PRKCH: variants seen among roughly 807,000 people sequenced by gnomAD.
PRKCH encodes the protein protein kinase C eta.
Under a neutral mutation model 82.5 loss-of-function variants are expected in PRKCH, and 28 were observed. The observed-to-expected ratio is 0.34, with a 90% confidence interval of 0.25 to 0.47. The LOEUF is 0.47. Ranked by LOEUF, PRKCH falls within the 20% of genes least tolerant of loss-of-function variation. The probability of loss-of-function intolerance (pLI) is 1.00; values close to 1 mark genes in which losing one functional copy is unlikely to be tolerated. For missense variants in PRKCH, 705 were observed against 881.8 expected, an observed-to-expected ratio of 0.80 and a Z score of 2.54; for synonymous variants, 322 against 327.4, an observed-to-expected ratio of 0.98 and a Z score of 0.18.
intron 10 of PRKCH, among the ~76,000 whole-genome samples, chr14:61,499,219 A>G (rs993693965): frequency 3.9e-5 from 6 of 152,228 alleles, no homozygotes; most frequent in African/African-American, 1.4e-4. Flanking sequence ...AGTTTGCAGC[A>G]TGTCCCTGAA....
chr14:61,519,909 C>T (rs965962699), intron 10 of PRKCH, among the ~76,000 whole-genome samples: 8 of 151,504 alleles, frequency 5.3e-5, no homozygotes, highest in African/African-American at 1.9e-4. Flanking sequence ...GCAACAAGTT[C>T]AATTCTAAGT....
chr14:61,403,544 C>T lies in PRKCH; in HGVS notation c.427+12256C>T, dbSNP rs138230536. Reference sequence around the variant, plus strand: ...ATAAAAATAAGGTCAGGAAGTGACACCAAAACAACTCAGAAGCCTGTGGTG... The same window carrying T: ...ATAAAAATAAGGTCAGGAAGTGACATCAAAACAACTCAGAAGCCTGTGGTG... On this transcript the variant is annotated intron_variant, in intron 2 of 13. Transcript: ENST00000332981. 3.2e-3 allele frequency among the ~76,000 whole-genome samples: 487 copies of T among 152,332 alleles called. 2 individuals carry two copies. The highest frequency in any genetic ancestry group is 0.011 in the African/African-American group (465 of 41,576).
At chr14:61,517,468 A>C (rs79012409) in intron 10 of PRKCH, among the ~76,000 whole-genome samples, 2,164 of 152,308 alleles carry the variant, frequency 0.014, 46 homozygotes, top group African/African-American at 0.049. Context: ...GGATGGGTAG[A>C]CAGGCTAAGA....
chr14:61,513,201 G>T (rs997961428), intron 10 of PRKCH, among the ~76,000 whole-genome samples: 1 of 152,166 alleles, frequency 6.6e-6, no homozygotes, highest in Admixed American at 6.5e-5. Flanking sequence ...CACTCAAGGG[G>T]TGTATGAATA....
intron 9 of PRKCH, 136 bp downstream of exon 9, chr14:61,457,815 T>C: frequency 8.3e-7 from 1 of 1,204,142 alleles, no homozygotes; most frequent in Non-Finnish European, 1.2e-6. Context: ...CATATGGAGG[T>C]ATTGGTGACT....
rs555200502 is a variant in PRKCH at position 61,229,482 on chromosome 14, C to T, written c.-19+41814C>T. On this transcript the variant is annotated intron_variant, in intron 1 of 3. Coordinates refer to the PRKCH transcript ENST00000555185. Reference sequence around the variant, plus strand: ...CACCTGAATGAATGAACAGATTTCTCATAATTTGTGCACTGAGCTCTGGTT... The same window carrying T: ...CACCTGAATGAATGAACAGATTTCTTATAATTTGTGCACTGAGCTCTGGTT... 4.6e-5 allele frequency among the ~76,000 whole-genome samples: 7 copies of T among 152,274 alleles called. No individual in the cohort carries two copies. In the South Asian group the frequency reaches 1.2e-3, roughly 27 times the overall value.
intron 1 of PRKCH, among the ~76,000 whole-genome samples, chr14:61,386,185 GGTTGTATGCA>G (rs1303271461): frequency 6.6e-6 from 1 of 152,226 alleles, no homozygotes; most frequent in East Asian, 1.9e-4. Flanking sequence ...TGGGGATACT[GGTTGTATGCA>G]GCTGCAGTGG....
At chr14:61,375,460 T>C (rs939009182) in intron 1 of PRKCH, among the ~76,000 whole-genome samples, 1 of 152,188 alleles carries the variant, frequency 6.6e-6, no homozygotes, top group Non-Finnish European at 1.5e-5. Flanking sequence ...TATTAGTCTA[T>C]TCTCACACTG....
At chr14:61,285,476 T>C (rs1594891641) in intron 1 of PRKCH, among the ~76,000 whole-genome samples, 1 of 152,208 alleles carries the variant, frequency 6.6e-6, no homozygotes, top group East Asian at 1.9e-4. Context: ...TGCTTATCTG[T>C]ACGAACGTGT....
chr14:61,328,529 A>G (rs557636991), intron 1 of PRKCH, among the ~76,000 whole-genome samples: 1 of 152,286 alleles, frequency 6.6e-6, no homozygotes, highest in Admixed American at 6.5e-5. Flanking sequence ...TGGAACGTGA[A>G]TCATTTTATC....
intron 10 of PRKCH, among the ~76,000 whole-genome samples, chr14:61,511,492 C>T: frequency 6.6e-6 from 1 of 152,176 alleles, no homozygotes; most frequent in East Asian, 1.9e-4. Context: ...CAAGTCCTCA[C>T]CTCTGAGGGC....
chr14:61,480,832 A>G (rs1174820519), intron 9 of PRKCH, among the ~76,000 whole-genome samples: 13 of 152,184 alleles, frequency 8.5e-5, no homozygotes, highest in Admixed American at 6.5e-4. Context: ...CACCCACTCC[A>G]GCGCTTGACA....
intron 10 of PRKCH, among the ~76,000 whole-genome samples, chr14:61,508,366 C>T (rs1019802018): frequency 6.6e-6 from 1 of 152,046 alleles, no homozygotes; most frequent in Non-Finnish European, 1.5e-5. Flanking sequence ...CAAAGTGATA[C>T]AGAGATTAGA....
intron 9 of PRKCH, among the ~76,000 whole-genome samples, chr14:61,478,733 A>C (rs1476148863): frequency 2.0e-5 from 3 of 151,850 alleles, no homozygotes; most frequent in Non-Finnish European, 4.4e-5. Context: ...GGTGGCACAA[A>C]CCTGTGGTCC....
At chr14:61,523,658 T>G (rs1566927585) in intron 10 of PRKCH, among the ~76,000 whole-genome samples, 1 of 152,220 alleles carries the variant, frequency 6.6e-6, no homozygotes, top group Admixed American at 6.5e-5. Flanking sequence ...TTCTTGTTAT[T>G]CACAAAAGCT....
At chr14:61,198,426 T>C (rs963147719) in intron 1 of PRKCH, among the ~76,000 whole-genome samples, 2 of 152,212 alleles carry the variant, frequency 1.3e-5, no homozygotes, top group Non-Finnish European at 2.9e-5. Context: ...AAACTCCTAC[T>C]TGTCCTTCAA....
intron 2 of PRKCH, among the ~76,000 whole-genome samples, chr14:61,434,539 A>G (rs1206075158): frequency 2.0e-5 from 3 of 152,260 alleles, no homozygotes; most frequent in Admixed American, 6.5e-5. Flanking sequence ...AAATATTCAT[A>G]GAATCACAGC....
At chr14:61,365,888 C>G (rs1392129732) in intron 1 of PRKCH, among the ~76,000 whole-genome samples, 2 of 151,966 alleles carry the variant, frequency 1.3e-5, no homozygotes, top group South Asian at 2.1e-4. Context: ...GGCAGTAATT[C>G]CTACAGGAGT....
intron 1 of PRKCH, among the ~76,000 whole-genome samples, chr14:61,195,349 G>C (rs1354303400): frequency 7.1e-6 from 1 of 140,398 alleles, no homozygotes; most frequent in Admixed American, 7.8e-5. Flanking sequence ...TTTTTATAGT[G>C]TATGGTTTAA....
Sources: allele counts gnomAD v4.1 joint callset (sites outside exome capture counted in the v4.1 genomes callset), GRCh38; gene constraint gnomAD v4.1.1; transcripts MANE v1.5; gene names NCBI Gene and HGNC (gene_info 2026-07-23, HGNC 2026-07-21).